DRC8: variants seen among roughly 807,000 people sequenced by gnomAD.
DRC8 encodes the protein dynein regulatory complex subunit 8.
At chr1:244,981,894 G>C in the DRC8 span, among the ~76,000 whole-genome samples, 1 of 152,174 alleles carries the variant, frequency 6.6e-6, no homozygotes, top group Non-Finnish European at 1.5e-5. Context: ...CGCTAGTCTG[G>C]TCTTATCTCA....
At chr1:245,108,595 A>T in the DRC8 span, among the ~76,000 whole-genome samples, 1 of 152,088 alleles carries the variant, frequency 6.6e-6, no homozygotes, top group Non-Finnish European at 1.5e-5. Flanking sequence ...GGACTCCCAG[A>T]TCCAAACCTT....
At chr1:245,068,709 AG>A in the DRC8 span, among the ~76,000 whole-genome samples, 1 of 151,574 alleles carries the variant, frequency 6.6e-6, no homozygotes, top group Non-Finnish European at 1.5e-5. Context: ...CCCAAAGTGC[AG>A]GGATTACAGG....
At chr1:245,104,991 C>T in the DRC8 span, among the ~76,000 whole-genome samples, 1 of 152,208 alleles carries the variant, frequency 6.6e-6, no homozygotes, top group African/African-American at 2.4e-5. Context: ...GGTCTTTGGT[C>T]CTGTAGAATT....
the DRC8 span, among the ~76,000 whole-genome samples, chr1:244,995,863 G>C: frequency 6.6e-6 from 1 of 152,132 alleles, no homozygotes; most frequent in African/African-American, 2.4e-5. Context: ...CTCTAACCTA[G>C]AGCCTACGGA....
the DRC8 span, among the ~76,000 whole-genome samples, chr1:245,085,218 A>G: frequency 6.6e-6 from 1 of 152,254 alleles, no homozygotes; most frequent in African/African-American, 2.4e-5. Flanking sequence ...AGAAAGCTAA[A>G]TATCAGAAGA....
At chr1:245,007,231 A>G in the DRC8 span, among the ~76,000 whole-genome samples, 1 of 152,138 alleles carries the variant, frequency 6.6e-6, no homozygotes, top group Admixed American at 6.5e-5. Context: ...CTCTTCAACA[A>G]GCTAATTTCA....
the DRC8 span, among the ~76,000 whole-genome samples, chr1:245,089,194 A>T: frequency 6.6e-6 from 1 of 152,114 alleles, no homozygotes; most frequent in East Asian, 1.9e-4. The surrounding 1 kb of genome is among the most constrained non-coding windows in gnomAD (Gnocchi z 4.8). Context: ...TAAGAAGTCC[A>T]AGGAGCAAGT....
the DRC8 span, among the ~76,000 whole-genome samples, chr1:245,080,209 CT>C: frequency 1.6e-4 from 24 of 152,084 alleles, no homozygotes; most frequent in Non-Finnish European, 2.6e-4. Flanking sequence ...ATCTTTGAGC[CT>C]TTTAATAGGA....
At chr1:244,975,121 G>A in the DRC8 span, among the ~76,000 whole-genome samples, 4 of 151,954 alleles carry the variant, frequency 2.6e-5, no homozygotes, top group Non-Finnish European at 4.4e-5. Context: ...TAGTAGTGAT[G>A]GGGTTTCACC....
the DRC8 span, among the ~76,000 whole-genome samples, chr1:245,094,013 C>G: frequency 2.0e-5 from 3 of 151,986 alleles, no homozygotes; most frequent in African/African-American, 7.2e-5. Flanking sequence ...TTAAACATGT[C>G]AAGATGTGTT....
the DRC8 span, chr1:245,082,062 A>T: frequency 7.6e-6 from 12 of 1,574,988 alleles, no homozygotes; most frequent in East Asian, 2.7e-4. Flanking sequence ...CTAAATGGCT[A>T]TTTACTTATT....
chr1:245,035,163 A>G, the DRC8 span, among the ~76,000 whole-genome samples: 1 of 147,538 alleles, frequency 6.8e-6, no homozygotes, highest in Non-Finnish European at 1.5e-5. Flanking sequence ...ATTCATTGCA[A>G]TCTCTATCAA....
the DRC8 span, among the ~76,000 whole-genome samples, chr1:245,093,849 G>A: frequency 1.3e-5 from 2 of 152,162 alleles, no homozygotes; most frequent in Non-Finnish European, 2.9e-5. Context: ...AGGTCAAAAT[G>A]CCAAATATAT....
the DRC8 span, among the ~76,000 whole-genome samples, chr1:245,054,724 G>A: frequency 9.9e-5 from 15 of 152,114 alleles, no homozygotes; most frequent in African/African-American, 3.4e-4. Context: ...TTCTGCTCCT[G>A]TGGCTTCATG....
the DRC8 span, among the ~76,000 whole-genome samples, chr1:245,002,424 A>C: frequency 6.6e-6 from 1 of 152,238 alleles, no homozygotes; most frequent in Non-Finnish European, 1.5e-5. Context: ...AATGTGTCTT[A>C]CTAAAAAAAC....
At chr1:245,064,846 C>T in the DRC8 span, among the ~76,000 whole-genome samples, 4 of 151,820 alleles carry the variant, frequency 2.6e-5, no homozygotes, top group East Asian at 3.9e-4. Context: ...TTTCCTGAAA[C>T]TCTGGACAGT....
chr1:245,039,664 C>T, the DRC8 span, among the ~76,000 whole-genome samples: 3 of 152,236 alleles, frequency 2.0e-5, no homozygotes, highest in East Asian at 1.9e-4. Flanking sequence ...CGCTGTCCTG[C>T]GCTGTTGTCT....
chr1:245,049,387 G>GA, the DRC8 span, among the ~76,000 whole-genome samples: 18 of 152,320 alleles, frequency 1.2e-4, no homozygotes, highest in East Asian at 3.5e-3. This position sits in a 1 kb window ranked among gnomAD's most constrained non-coding sequence, Gnocchi z 4.5. Flanking sequence ...GGGTTAAGGT[G>GA]TCATTTGGCT....
chr1:245,018,185 C>T, the DRC8 span, among the ~76,000 whole-genome samples: 3 of 148,652 alleles, frequency 2.0e-5, no homozygotes, highest in Admixed American at 6.8e-5. Context: ...TGAGATCATG[C>T]CACTGCACTC....
Sources: gnomAD v4.1 joint callset for allele counts (sites outside exome capture counted in the v4.1 genomes callset) on GRCh38, gnomAD v4.1.1 for gene constraint, Gnocchi (gnomAD v3.1) non-coding constraint, MANE v1.5 for transcripts, NCBI Gene and HGNC (gene_info 2026-07-23, HGNC 2026-07-21) for gene names.